IQSEC1: variants seen among roughly 807,000 people sequenced by gnomAD.
IQSEC1 encodes the protein IQ motif and SEC7 domain-containing protein 1.
A neutral mutation model predicts 91.0 loss-of-function variants in IQSEC1; 31 were observed. The observed-to-expected ratio is 0.34, with a 90% CI of 0.26 to 0.46. The LOEUF is 0.46. Ranked by LOEUF, IQSEC1 falls within the 20% of genes least tolerant of loss-of-function variation. The pLI is 1.00. For synonymous variants in IQSEC1, 699 were observed against 662.6 expected, an observed-to-expected ratio of 1.05 and a Z score of -0.84; for missense variants, 1,388 against 1,575.6, an observed-to-expected ratio of 0.88 and a Z score of 2.02.
rs376336478 is a variant in IQSEC1, at chr3:12,947,320, C to T, written c.24-5455G>A. Among the ~76,000 whole-genome samples, 15 of 152,282 alleles carry T rather than the reference C, an allele frequency of 9.9e-5. 1 individual carries two copies. Among genetic ancestry groups the T allele is most frequent in the Admixed American group, 5.2e-4 (8 of 15,298 alleles). On this transcript the variant is annotated intron_variant, in intron 1 of 13. Transcript: ENST00000613206. ...TGCAAGCTGCGGCAGGTCAGACACC[C>T]GTCAGAGAGGTGGTACAAGGGACTC... is the stretch of plus-strand genomic sequence containing the variant.
chr3:13,226,581 A>G (rs1292969612), intron 1 of IQSEC1, among the ~76,000 whole-genome samples: 1 of 110,398 alleles, frequency 9.1e-6, no homozygotes, highest in Non-Finnish European at 1.9e-5. Flanking sequence ...GTGAGACCCC[A>G]TCTCTACCAA....
intron 2 of IQSEC1, among the ~76,000 whole-genome samples, chr3:13,110,386 C>A (rs918187576): frequency 6.6e-6 from 1 of 151,808 alleles, no homozygotes; most frequent in Non-Finnish European, 1.5e-5. Flanking sequence ...GTCAGGAGAT[C>A]GAGACCACCT....
intron 5 of IQSEC1, among the ~76,000 whole-genome samples, 176 bp downstream of exon 5, chr3:12,921,944 G>C (rs920230905): frequency 1.3e-5 from 2 of 152,172 alleles, no homozygotes; most frequent in African/African-American, 2.4e-5. Context: ...AAAGGAGCCC[G>C]TCACAGTGCC....
chr3:13,150,676 C>T (rs1247130398), intron 2 of IQSEC1, among the ~76,000 whole-genome samples: 2 of 152,190 alleles, frequency 1.3e-5, no homozygotes, highest in Non-Finnish European at 2.9e-5. Context: ...ATTCGATCTC[C>T]TCACAAGCAC....
intron 2 of IQSEC1, among the ~76,000 whole-genome samples, chr3:13,148,032 G>A (rs770168222): frequency 2.6e-5 from 4 of 152,160 alleles, no homozygotes; most frequent in Non-Finnish European, 5.9e-5. Flanking sequence ...AGTTCTTTAA[G>A]GAATCTCCAT....
chr3:13,125,466 G>A (rs1190999348), intron 2 of IQSEC1, among the ~76,000 whole-genome samples: 1 of 152,242 alleles, frequency 6.6e-6, no homozygotes, highest in Non-Finnish European at 1.5e-5. Context: ...CCCGGAGCAG[G>A]CGGTGGTGGC....
At chr3:13,082,197 G>C (rs1285481954) in intron 2 of IQSEC1, among the ~76,000 whole-genome samples, 4 of 152,184 alleles carry the variant, frequency 2.6e-5, no homozygotes, top group Non-Finnish European at 5.9e-5. Context: ...GATAATAAGG[G>C]AATCAACGTG....
chr3:12,919,858 C>T (rs988109039), intron 6 of IQSEC1, among the ~76,000 whole-genome samples: 1 of 152,182 alleles, frequency 6.6e-6, no homozygotes, highest in Non-Finnish European at 1.5e-5. Flanking sequence ...TCTGATCACA[C>T]AAGGATGCCT....
At chr3:13,083,378 T>C (rs2125130824) in intron 2 of IQSEC1, among the ~76,000 whole-genome samples, 1 of 152,204 alleles carries the variant, frequency 6.6e-6, no homozygotes, top group Non-Finnish European at 1.5e-5. Context: ...ATAACAACCG[T>C]GGAGTCAAGA....
At chr3:13,200,442 A>G (rs1270091985) in intron 1 of IQSEC1, among the ~76,000 whole-genome samples, 1 of 152,154 alleles carries the variant, frequency 6.6e-6, no homozygotes, top group Non-Finnish European at 1.5e-5. Flanking sequence ...GCTTCCTCAG[A>G]CTTTCTAGAT....
chr3:13,034,412 G>A (rs1305723284), intron 1 of IQSEC1, among the ~76,000 whole-genome samples: 2 of 152,224 alleles, frequency 1.3e-5, no homozygotes, highest in Admixed American at 6.5e-5. Context: ...TTGACCCAGC[G>A]AGAACGTTTC....
Position 12,915,131 on chromosome 3 carries a change from G to C in IQSEC1, c.2163C>G (p.Ile721Met). 6.2e-7 allele frequency: 1 copy of C among 1,608,998 alleles called. No homozygotes were observed. The highest frequency in any genetic ancestry group is 8.5e-7 in the Non-Finnish European group (1 of 1,177,232). ...AGCCGAGCCCGGGATGCAGGGATCC[G>C]ATCTGCGGGAGAATGTGAAACCAAC... The part of the protein sequence containing the change: ...VEKLIVGKKP[I>M]GSLHPGLGCV... Residue 721 changes from isoleucine (I) to methionine (M), a missense_variant and splice_region_variant, in exon 8 of 14, where the codon ATC becomes ATG. By Grantham distance (10) the Ile-to-Met change is conservative. Coordinates refer to ENST00000613206, the MANE Select transcript of IQSEC1 (RefSeq NM_001134382.3).
chr3:13,252,564 G>C (rs141224823), intron 1 of IQSEC1, among the ~76,000 whole-genome samples: 101 of 152,346 alleles, frequency 6.6e-4, no homozygotes, highest in African/African-American at 2.2e-3. Context: ...ATGCCCACAA[G>C]TGGGATTGCG....
chr3:13,257,741 C>T (rs1023784246), intron 1 of IQSEC1, among the ~76,000 whole-genome samples: 2 of 152,216 alleles, frequency 1.3e-5, no homozygotes, highest in East Asian at 3.8e-4. Flanking sequence ...AACGGCACAG[C>T]CACTTTGGAA....
At chr3:13,159,927 T>C (rs1473790707) in intron 2 of IQSEC1, among the ~76,000 whole-genome samples, 2 of 152,110 alleles carry the variant, frequency 1.3e-5, no homozygotes, top group Non-Finnish European at 2.9e-5. Flanking sequence ...CTTCCTATGG[T>C]CCCTCTTCCA....
chr3:12,999,726 G>A (rs1167216900), intron 1 of IQSEC1, among the ~76,000 whole-genome samples: 1 of 152,100 alleles, frequency 6.6e-6, no homozygotes, highest in South Asian at 2.1e-4. Flanking sequence ...GTTCACCATC[G>A]GTCATTACCC....
At position 12,908,214 on chromosome 3, in the gene IQSEC1, G is replaced by C; in HGVS notation, c.2755+135C>G. 2.3e-6 allele frequency: 2 copies of C among 866,090 alleles called. No homozygotes were observed. The highest frequency in any genetic ancestry group is 2.7e-5 in the East Asian group (1 of 37,734). 53.7% of individuals were successfully genotyped at this position (866,090 alleles called of 1,614,324 possible). ...TGTATGTCACACGCTGCTCTGCTTT[G>C]CGGAAGGTCAGGGGAAATGCCGCAC... On this transcript the variant is annotated intron_variant, in intron 12 of 13. Transcript: ENST00000613206. This position sits in a 1 kb window ranked among gnomAD's most constrained non-coding sequence, Gnocchi z 4.9.
At chr3:13,249,167 CTTT>C (rs60976247) in intron 1 of IQSEC1, among the ~76,000 whole-genome samples, 2,102 of 106,602 alleles carry the variant, frequency 0.02, 19 homozygotes, top group South Asian at 0.091. Context: ...GAAGGAATTT[CTTT>C]TTTTTTTTTT....
chr3:13,123,356 A>G (rs1706454713), intron 2 of IQSEC1, among the ~76,000 whole-genome samples: 1 of 152,200 alleles, frequency 6.6e-6, no homozygotes, highest in Non-Finnish European at 1.5e-5. Context: ...AAAGACATTA[A>G]CAGCCCCACT....
Sources: allele counts gnomAD v4.1 joint callset (sites outside exome capture counted in the v4.1 genomes callset), GRCh38; gene constraint gnomAD v4.1.1; non-coding constraint Gnocchi (gnomAD v3.1); transcripts MANE v1.5; gene names NCBI Gene and HGNC (gene_info 2026-07-23, HGNC 2026-07-21).